The following PHLPP1 variants were observed in gnomAD, a reference collection of about 807,000 sequenced individuals.
The protein encoded by PHLPP1 is PH domain and leucine rich repeat protein phosphatase 1.
PHLPP1 carries 42 observed loss-of-function variants against 117.2 expected under a neutral mutation model. The observed-to-expected ratio is 0.36, with a 90% confidence interval of 0.28 to 0.46. PHLPP1 has a LOEUF of 0.46. Ranked by LOEUF, PHLPP1 falls within the 20% of genes least tolerant of loss-of-function variation. The pLI is 1.00. For synonymous variants in PHLPP1, 1,042 were observed against 970.7 expected (o/e 1.07, Z -1.37); for missense variants, 2,084 against 2,241.9 (o/e 0.93, Z 1.42).
chr18:62,748,548 A>G (rs1911748959), intron 1 of PHLPP1, among the ~76,000 whole-genome samples: 1 of 152,146 alleles, frequency 6.6e-6, no homozygotes, highest in South Asian at 2.1e-4. Context: ...GCCCCGCCCA[A>G]ATTCGGAATA....
chr18:62,767,952 A>T (rs1220128124), intron 1 of PHLPP1, among the ~76,000 whole-genome samples: 1 of 152,172 alleles, frequency 6.6e-6, no homozygotes, highest in East Asian at 1.9e-4. Flanking sequence ...TTAGATAACT[A>T]AGAAAAGAGA....
chr18:62,776,609 GT>G (rs35582464), intron 1 of PHLPP1, among the ~76,000 whole-genome samples: 168 of 137,014 alleles, frequency 1.2e-3, no homozygotes, highest in South Asian at 2.6e-3. Flanking sequence ...ATTGCTGAGT[GT>G]TTTTTTTTTT....
chr18:62,741,777 A>G (rs1252758099), intron 1 of PHLPP1, among the ~76,000 whole-genome samples: 1 of 151,328 alleles, frequency 6.6e-6, no homozygotes, highest in Non-Finnish European at 1.5e-5. Flanking sequence ...GTTACAGGGT[A>G]CGTGAAAGAG....
intron 1 of PHLPP1, among the ~76,000 whole-genome samples, chr18:62,787,856 G>T (rs566725515): frequency 2.4e-4 from 36 of 152,200 alleles, no homozygotes; most frequent in Admixed American, 2.0e-4. Context: ...GGATTTCACC[G>T]ATGTGTTTTA....
chr18:62,928,484 A>G (rs1376409430), intron 10 of PHLPP1, among the ~76,000 whole-genome samples: 1 of 152,212 alleles, frequency 6.6e-6, no homozygotes, highest in Non-Finnish European at 1.5e-5. Context: ...TATACCCACT[A>G]GGGTGGCTAT....
chr18:62,783,408 TC>T (rs1258222182), intron 1 of PHLPP1, among the ~76,000 whole-genome samples: 3 of 152,176 alleles, frequency 2.0e-5, no homozygotes, highest in Non-Finnish European at 4.4e-5. Context: ...TTTTGTATTT[TC>T]AGTAGAGACG....
chr18:62,844,596 CA>C (rs1037610211), intron 3 of PHLPP1, among the ~76,000 whole-genome samples: 19 of 152,186 alleles, frequency 1.2e-4, no homozygotes, highest in Admixed American at 3.9e-4. Context: ...AAGCAAACCC[CA>C]GACATTATTT....
chr18:62,905,793 G>A (rs1333591919), intron 8 of PHLPP1, among the ~76,000 whole-genome samples: 1 of 151,994 alleles, frequency 6.6e-6, no homozygotes, highest in Non-Finnish European at 1.5e-5. Context: ...TCTACAACCT[G>A]CTTGGTTTTC....
chr18:62,773,487 A>G (rs1912857938), intron 1 of PHLPP1, among the ~76,000 whole-genome samples: 1 of 152,182 alleles, frequency 6.6e-6, no homozygotes, highest in African/African-American at 2.4e-5. Context: ...GGCTACATGG[A>G]AAGTTTCCTT....
rs997418261 is a variant in PHLPP1, at chr18:62,798,870, T to C, written c.1577-31165T>C. Among the ~76,000 whole-genome samples the C allele has an allele frequency of 2.6e-5, 4 of 152,128 alleles. No homozygotes were observed. The East Asian group carries it at 5.8e-4, about 22-fold the overall frequency. On this transcript the variant is annotated intron_variant, in intron 1 of 16. Coordinates refer to ENST00000262719, the MANE Select transcript of PHLPP1 (RefSeq NM_194449.4). Reference sequence around the variant, plus strand: ...TTCCTGGATCTTCTTGTGTGTCCACTAGATACCTGTGAAAAGAATGGGCAT... The same window carrying C: ...TTCCTGGATCTTCTTGTGTGTCCACCAGATACCTGTGAAAAGAATGGGCAT...
At chr18:62,966,465 A>ATTTTTTT (rs3087157) in intron 14 of PHLPP1, among the ~76,000 whole-genome samples, 1 of 109,030 alleles carries the variant, frequency 9.2e-6, no homozygotes, top group African/African-American at 3.9e-5. Flanking sequence ...AGTTCTACAA[A>ATTTTTTT]TTTTTTTTTT....
chr18:62,765,730 TCACGCCTGTAA>T (rs534062261), intron 1 of PHLPP1, among the ~76,000 whole-genome samples: 6 of 152,230 alleles, frequency 3.9e-5, no homozygotes, highest in African/African-American at 1.2e-4. Context: ...GCGCAGTGGC[TCACGCCTGTAA>T]TCCCAGCACT....
At chr18:62,764,485 A>G (rs1334110033) in intron 1 of PHLPP1, among the ~76,000 whole-genome samples, 4 of 151,076 alleles carry the variant, frequency 2.6e-5, no homozygotes, top group African/African-American at 9.8e-5. Context: ...CATCTTGGGG[A>G]TGAAGTGGGT....
intron 1 of PHLPP1, among the ~76,000 whole-genome samples, chr18:62,788,203 C>G (rs770399949): frequency 3.1e-4 from 47 of 152,128 alleles, no homozygotes; most frequent in Non-Finnish European, 5.4e-4. Flanking sequence ...TGGTTGTTAA[C>G]AGAGAACCCC....
chr18:62,963,602 C>G (rs931045105), intron 14 of PHLPP1, 130 bp downstream of exon 14: 1 of 627,254 alleles, frequency 1.6e-6, no homozygotes, highest in Non-Finnish European at 2.8e-6. Flanking sequence ...TTGCAAGTTT[C>G]CCCAGAGTGA....
chr18:62,951,370 T>A (rs1346564565), intron 12 of PHLPP1, among the ~76,000 whole-genome samples: 1 of 152,230 alleles, frequency 6.6e-6, no homozygotes, highest in Non-Finnish European at 1.5e-5. Context: ...TAACAAAATA[T>A]TGCATACATT....
At chr18:62,848,513 T>C (rs1915240426) in intron 3 of PHLPP1, among the ~76,000 whole-genome samples, 2 of 145,226 alleles carry the variant, frequency 1.4e-5, no homozygotes, top group Admixed American at 1.4e-4. Flanking sequence ...CTCAAGCTGC[T>C]GTGCAGTGGC....
intron 1 of PHLPP1, among the ~76,000 whole-genome samples, chr18:62,733,424 C>T (rs1911281725): frequency 6.6e-6 from 1 of 152,186 alleles, no homozygotes; most frequent in South Asian, 2.1e-4. Context: ...GTAAACATAA[C>T]TTTTTATATG....
chr18:62,716,185 T>C lies in PHLPP1; in HGVS notation c.502T>C (p.Cys168Arg). ...PASCSASASL[C>R]TRSLDRKTLL... ...CTCCTGCTCGGCCTCGGCGTCGCTG[T>C]GCACCCGGAGCCTGGACAGGAAGAC... The change falls in exon 1 of 17, where the codon TGC (cysteine) becomes CGC (arginine). Residue 168 changes from cysteine to arginine, a missense_variant. Cys to Arg is a radical substitution (Grantham distance 180). Transcript: ENST00000262719. The surrounding 1 kb of genome is among the most constrained non-coding windows in gnomAD (Gnocchi z 5.7). The C allele has an allele frequency of 6.6e-7, 1 of 1,520,526 alleles. No homozygotes were observed. The highest frequency in any genetic ancestry group is 1.2e-5 in the South Asian group (1 of 82,256). 94.2% of individuals were successfully genotyped at this position (1,520,526 alleles called of 1,614,324 possible).
Sources: gnomAD v4.1 joint callset for allele counts (sites outside exome capture counted in the v4.1 genomes callset) on GRCh38, gnomAD v4.1.1 for gene constraint, Gnocchi (gnomAD v3.1) non-coding constraint, MANE v1.5 for transcripts, NCBI Gene and HGNC (gene_info 2026-07-23, HGNC 2026-07-21) for gene names.